EBF1: variants seen among roughly 807,000 people sequenced by gnomAD.
The protein encoded by EBF1 is EBF transcription factor 1, also known as transcription factor COE1.
A neutral mutation model predicts 68.4 loss-of-function variants in EBF1; 10 were observed. The ratio of observed to expected loss-of-function variants is 0.15; its 90% CI spans 0.09 to 0.25. The LOEUF (loss-of-function observed/expected upper bound fraction) is 0.25, where lower values mean the gene tolerates loss of function less well. Ranked by LOEUF, EBF1 falls within the 10% of genes least tolerant of loss-of-function variation. The pLI is 1.00. For missense variants in EBF1, 509 were observed against 794.4 expected, an observed-to-expected ratio of 0.64 and a Z score of 4.32; for synonymous variants, 298 against 299.8, an observed-to-expected ratio of 0.99 and a Z score of 0.06.
intron 6 of EBF1, among the ~76,000 whole-genome samples, chr5:158,935,228 G>A (rs546725275): frequency 6.6e-5 from 10 of 152,194 alleles, no homozygotes; most frequent in South Asian, 6.2e-4. Context: ...AGAACAAGGC[G>A]TTTGCCAGAG....
Position 158,961,980 on chromosome 5 carries a change from A to G in EBF1, c.554+111416T>C, listed in dbSNP as rs536944503. 2.6e-5 allele frequency among the ~76,000 whole-genome samples: 4 copies of G among 152,184 alleles called. No individual in the cohort carries two copies. The South Asian group carries it at 6.2e-4, about 24-fold the overall frequency. On this transcript the variant is annotated intron_variant, in intron 6 of 15. Transcript: ENST00000313708. Reference sequence around the variant, plus strand: ...AGTGGTTAGTGGCACAAATGCATCAACCCCATTTGTTTACACCTTGCATCT... The same window carrying G: ...AGTGGTTAGTGGCACAAATGCATCAGCCCCATTTGTTTACACCTTGCATCT...
At chr5:158,844,956 T>C (rs796431337) in intron 6 of EBF1, among the ~76,000 whole-genome samples, 9 of 152,350 alleles carry the variant, frequency 5.9e-5, no homozygotes, top group African/African-American at 2.2e-4. Context: ...GTAGCTTTCA[T>C]GTGACCAGCA....
At chr5:158,997,666 A>G (rs994312839) in intron 6 of EBF1, among the ~76,000 whole-genome samples, 1 of 152,130 alleles carries the variant, frequency 6.6e-6, no homozygotes, top group Non-Finnish European at 1.5e-5. Context: ...TTATTCTCCA[A>G]ACTAACACAA....
intron 7 of EBF1, among the ~76,000 whole-genome samples, chr5:158,826,417 G>A (rs1786132242): frequency 1.3e-5 from 2 of 152,110 alleles, no homozygotes; most frequent in Admixed American, 1.3e-4. Context: ...GGCGACTATT[G>A]CCTACTGCAT....
At chr5:158,753,267 A>G (rs1451100899) in intron 10 of EBF1, among the ~76,000 whole-genome samples, 1 of 152,128 alleles carries the variant, frequency 6.6e-6, no homozygotes, top group Admixed American at 6.6e-5. Flanking sequence ...AAATCTGTTA[A>G]TAAGAAAAGG....
chr5:159,017,347 A>G (rs1342384338), intron 6 of EBF1, among the ~76,000 whole-genome samples: 1 of 152,170 alleles, frequency 6.6e-6, no homozygotes, highest in Non-Finnish European at 1.5e-5. Context: ...ACAATAAAAT[A>G]CCTTCTGGCT....
At chr5:158,941,181 G>T (rs1466491912) in intron 6 of EBF1, 3 of 455,854 alleles carry the variant, frequency 6.6e-6, no homozygotes, top group Admixed American at 4.7e-5. Flanking sequence ...CCTCAGGTTT[G>T]CTGTGAGTGA....
chr5:158,807,218 C>T lies in EBF1; in HGVS notation c.779-10743G>A, dbSNP rs375970489. 3.9e-4 allele frequency among the ~76,000 whole-genome samples: 60 copies of T among 152,188 alleles called. 1 individual carries two copies. The highest frequency in any genetic ancestry group is 3.9e-4 in the East Asian group (2 of 5,160). ...AGACTAGGAACTGTGCTAGGAACAA[C>T]GATTAATCTCCAATCCCTCCAATGA... On this transcript the variant is annotated intron_variant, in intron 8 of 15. Coordinates refer to ENST00000313708, the MANE Select transcript of EBF1 (RefSeq NM_024007.5).
At chr5:158,929,001 A>G (rs186314568) in intron 6 of EBF1, among the ~76,000 whole-genome samples, 1 of 152,312 alleles carries the variant, frequency 6.6e-6, no homozygotes, top group Admixed American at 6.5e-5. Flanking sequence ...CTTTTTTTAA[A>G]AATCAAGACA....
At chr5:159,046,645 C>T (rs1772460636) in intron 6 of EBF1, among the ~76,000 whole-genome samples, 1 of 152,172 alleles carries the variant, frequency 6.6e-6, no homozygotes, top group Non-Finnish European at 1.5e-5. Context: ...CACTCTGCTA[C>T]AGATTAATGA....
At chr5:158,790,742 G>A (rs138822266) in intron 9 of EBF1, among the ~76,000 whole-genome samples, 1 of 152,246 alleles carries the variant, frequency 6.6e-6, no homozygotes, top group African/African-American at 2.4e-5. Flanking sequence ...GACGAATTAG[G>A]CCAACACTGT....
At chr5:158,824,501 A>T (rs202129708) in intron 7 of EBF1, among the ~76,000 whole-genome samples, 1 of 152,192 alleles carries the variant, frequency 6.6e-6, no homozygotes, top group East Asian at 1.9e-4. Context: ...AAGGCTGAGG[A>T]TTTCTGATTT....
chr5:158,946,763 A>C (rs778523312), intron 6 of EBF1, among the ~76,000 whole-genome samples: 24 of 152,172 alleles, frequency 1.6e-4, no homozygotes, highest in Non-Finnish European at 2.9e-4. Context: ...AGGAGCGTTT[A>C]AGTCTGCTGA....
chr5:158,712,907 A>C (rs1002401940), intron 13 of EBF1, 63 bp downstream of exon 13: 2 of 1,373,950 alleles, frequency 1.5e-6, no homozygotes, highest in Non-Finnish European at 1.9e-6. Flanking sequence ...ATTGTTCATG[A>C]CCAATAAATG....
rs1778220022 is a variant in EBF1 at position 159,073,611 on chromosome 5, A to C, written c.486-147T>G. On this transcript the variant is annotated intron_variant, in intron 5 of 15. Transcript: ENST00000313708. Reference sequence around the variant, plus strand: ...CAATCAACGGATCCCTGGGACAGATAATTCTATTTGGGTCACCTATGGGTT... The same window carrying C: ...CAATCAACGGATCCCTGGGACAGATCATTCTATTTGGGTCACCTATGGGTT... The C allele has an allele frequency of 1.2e-5, 10 of 809,814 alleles. No individual in the cohort carries two copies. The East Asian group carries it at 2.6e-4, about 21-fold the overall frequency. The allele number at this position is 809,814 out of a possible 1,614,324, so 50.2% of individuals were successfully genotyped here.
intron 6 of EBF1, among the ~76,000 whole-genome samples, chr5:158,863,113 CTAAAGG>C (rs1795248427): frequency 6.6e-6 from 1 of 152,158 alleles, no homozygotes; most frequent in Non-Finnish European, 1.5e-5. Flanking sequence ...TTCCTTTATG[CTAAAGG>C]TTTGTAACCT....
At chr5:158,910,049 A>T (rs929504262) in intron 6 of EBF1, among the ~76,000 whole-genome samples, 1 of 151,338 alleles carries the variant, frequency 6.6e-6, no homozygotes, top group African/African-American at 2.4e-5. Context: ...ATACAATCAG[A>T]TGTATTATTT....
At chr5:158,842,698 G>A (rs1032983972) in intron 6 of EBF1, among the ~76,000 whole-genome samples, 8 of 152,236 alleles carry the variant, frequency 5.3e-5, no homozygotes, top group African/African-American at 1.9e-4. Flanking sequence ...GATGGTGGCA[G>A]TCATCATAAG....
At chr5:158,825,959 T>C (rs1204950546) in intron 7 of EBF1, among the ~76,000 whole-genome samples, 1 of 148,300 alleles carries the variant, frequency 6.7e-6, no homozygotes, top group Non-Finnish European at 1.5e-5. Context: ...GCAAAAGGGG[T>C]ACTGAAGTGT....
Sources: allele counts gnomAD v4.1 joint callset (sites outside exome capture counted in the v4.1 genomes callset), GRCh38; gene constraint gnomAD v4.1.1; transcripts MANE v1.5; gene names NCBI Gene and HGNC (gene_info 2026-07-23, HGNC 2026-07-21).